Variants in NFE2L2 observed in about 807,000 individuals in gnomAD.
The protein encoded by NFE2L2 is NFE2 like bZIP transcription factor 2.
Under a neutral mutation model 49.6 loss-of-function variants are expected in NFE2L2, and 20 were observed. The observed-to-expected ratio is 0.40, with a 90% CI of 0.28 to 0.59. The LOEUF is 0.59. Ranked by LOEUF, NFE2L2 falls within the 20% of genes least tolerant of loss-of-function variation. NFE2L2 has a pLI of 0.40. For missense variants in NFE2L2, 578 were observed against 714.2 expected, an observed-to-expected ratio of 0.81 and a Z score of 2.17; for synonymous variants, 244 against 256.5, an observed-to-expected ratio of 0.95 and a Z score of 0.47.
chr2:177,247,630 T>C (rs1690178920), intron 1 of NFE2L2, among the ~76,000 whole-genome samples: 1 of 146,108 alleles, frequency 6.8e-6, no homozygotes, highest in Non-Finnish European at 1.5e-5. Flanking sequence ...CAAGCCGAGA[T>C]CGTGCCATTG....
chr2:177,252,833 CA>C (rs1449510049), intron 1 of NFE2L2, among the ~76,000 whole-genome samples: 2 of 152,084 alleles, frequency 1.3e-5, no homozygotes, highest in African/African-American at 2.4e-5. Flanking sequence ...GCCGTCACAA[CA>C]ATGCTCAGAC....
chr2:177,238,166 C>T (rs1023047195), intron 1 of NFE2L2, among the ~76,000 whole-genome samples: 5 of 152,192 alleles, frequency 3.3e-5, no homozygotes, highest in African/African-American at 1.2e-4. Flanking sequence ...CCCTGCCTCA[C>T]CCTAGACTTC....
At chr2:177,244,165 G>A (rs1253673542) in intron 1 of NFE2L2, among the ~76,000 whole-genome samples, 1 of 151,894 alleles carries the variant, frequency 6.6e-6, no homozygotes, top group Non-Finnish European at 1.5e-5. Context: ...GCCAGGCATG[G>A]TGGCGGGTGC....
At chr2:177,263,742 G>C in intron 1 of NFE2L2, 1 of 985,490 alleles carries the variant, frequency 1.0e-6, no homozygotes, top group Non-Finnish European at 1.2e-6. Flanking sequence ...CTTTCCCGCG[G>C]CGTTACGAGG....
intron 1 of NFE2L2, among the ~76,000 whole-genome samples, chr2:177,255,504 G>C (rs2105488270): frequency 6.6e-6 from 1 of 152,314 alleles, no homozygotes; most frequent in Admixed American, 6.5e-5. Context: ...GTTGGCGAGT[G>C]GGGGCACTGC....
chr2:177,263,978 C>T, intron 1 of NFE2L2: 13 of 980,768 alleles, frequency 1.3e-5, no homozygotes, highest in Non-Finnish European at 1.6e-5. Context: ...GGGGTGAGCG[C>T]GTCGCAGCCC....
At chr2:177,252,128 A>C (rs1320346359) in intron 1 of NFE2L2, among the ~76,000 whole-genome samples, 1 of 152,184 alleles carries the variant, frequency 6.6e-6, no homozygotes, top group African/African-American at 2.4e-5. Context: ...AATTCTAGGA[A>C]GATGATGTCA....
At chr2:177,260,902 G>T (rs1184928548) in intron 1 of NFE2L2, among the ~76,000 whole-genome samples, 2 of 152,108 alleles carry the variant, frequency 1.3e-5, no homozygotes, top group African/African-American at 4.8e-5. Context: ...CTGGCGCAGT[G>T]GCTCACACCT....
rs35577826 is a variant in NFE2L2, at chr2:177,232,457, A to C, written c.529T>G (p.Leu177Val). ...TCAATGTCCTGTTGCATACCGTCTA[A>C]ATCAACAGGGGCTACCTGAGCAACA... ...TSVAQVAPVD[L>V]DGMQQDIEQV... The change falls in exon 4 of 5, where the codon TTA (leucine) becomes GTA (valine). Residue 177 changes from leucine to valine, a missense_variant. Leu to Val is a conservative substitution (Grantham distance 32). Around this residue, in one of 3 missense-constraint regions of NFE2L2, gnomAD observed 368 missense variants for 384.6 expected, o/e 0.96. Transcript: ENST00000397062. The C allele has an allele frequency of 3.3e-4, 539 of 1,614,130 alleles. 2 individuals are homozygous for C. In the African/African-American group the frequency reaches 6.7e-3, roughly 20 times the overall value.
chr2:177,263,822 C>G (rs1301466936), intron 1 of NFE2L2: 2 of 985,522 alleles, frequency 2.0e-6, no homozygotes, highest in Non-Finnish European at 2.4e-6. Flanking sequence ...GGCTCAGCCG[C>G]CACACGTCGG....
chr2:177,264,404 C>T, intron 1 of NFE2L2, 128 bp downstream of exon 1: 2 of 973,614 alleles, frequency 2.1e-6, no homozygotes, highest in South Asian at 1.9e-5. Context: ...CTCTACCCAG[C>T]GCCGCGGTCC....
intron 1 of NFE2L2, among the ~76,000 whole-genome samples, chr2:177,237,119 C>T (rs904558295): frequency 6.6e-6 from 1 of 152,192 alleles, no homozygotes; most frequent in African/African-American, 2.4e-5. Flanking sequence ...CTCAGCTTCC[C>T]AAAGTGCTAG....
chr2:177,264,644 C>T lies in NFE2L2; in HGVS notation c.-68G>A, dbSNP rs1574289997. On this transcript the variant is annotated 5_prime_UTR_variant, in exon 1 of 5. Coordinates refer to ENST00000397062, the MANE Select transcript of NFE2L2 (RefSeq NM_006164.5). ...CTGTTCCGGCTGCCGAGGCGCGGCG[C>T]GGACAGGGCGGCTCTGGTGGCGGCG... 11 of 1,363,892 alleles carry T rather than the reference C, an allele frequency of 8.1e-6. No homozygotes were observed. The highest frequency in any genetic ancestry group is 1.1e-5 in the Non-Finnish European group (11 of 1,043,782). The allele number at this position is 1,363,892 out of a possible 1,614,324, so 84.5% of individuals were successfully genotyped here. A position where few individuals can be genotyped will look rare whatever the true frequency, so the allele number is the denominator to read the frequency against.
Position 177,264,635 on chromosome 2 carries a change from G to T in NFE2L2, c.-59C>A. 1 of 1,386,332 alleles carries T rather than the reference G, an allele frequency of 7.2e-7. No homozygotes were observed. Among genetic ancestry groups the T allele is most frequent in the Non-Finnish European group, 9.5e-7 (1 of 1,056,566 alleles). The allele number at this position is 1,386,332 out of a possible 1,614,324, so 85.9% of individuals were successfully genotyped here. A position where few individuals can be genotyped will look rare whatever the true frequency, so the allele number is the denominator to read the frequency against. On this transcript the variant is annotated 5_prime_UTR_variant, in exon 1 of 5. Coordinates refer to ENST00000397062, the MANE Select transcript of NFE2L2 (RefSeq NM_006164.5). ...ACGGCGGCCCTGTTCCGGCTGCCGA[G>T]GCGCGGCGCGGACAGGGCGGCTCTG...
chr2:177,263,583 C>A, intron 1 of NFE2L2: 2 of 985,490 alleles, frequency 2.0e-6, no homozygotes, highest in Non-Finnish European at 2.4e-6. Context: ...AGGAAAGGGC[C>A]AACCGAGGGC....
chr2:177,238,313 C>A (rs914793878), intron 1 of NFE2L2, among the ~76,000 whole-genome samples: 8 of 152,202 alleles, frequency 5.3e-5, no homozygotes, highest in African/African-American at 1.9e-4. Context: ...AGTATCCTTA[C>A]AACCAACCCT....
At chr2:177,248,425 T>C (rs1690211023) in intron 1 of NFE2L2, among the ~76,000 whole-genome samples, 1 of 152,238 alleles carries the variant, frequency 6.6e-6, no homozygotes, top group African/African-American at 2.4e-5. Context: ...TCTTTTTTTT[T>C]TGAGACAGAG....
At position 177,233,690 on chromosome 2, in the gene NFE2L2, CCCTGCTACTTGGTTCT is replaced by C. The variant is rs1689642948; in HGVS notation, c.312+299_312+314del. The C allele has an allele frequency of 4.3e-5, 22 of 513,730 alleles. No individual in the cohort carries two copies. In the South Asian group the frequency reaches 5.6e-4, roughly 13 times the overall value. 31.8% of individuals were successfully genotyped at this position (513,730 alleles called of 1,614,324 possible). A position where few individuals can be genotyped will look rare whatever the true frequency, so the allele number is the denominator to read the frequency against. On this transcript the variant is annotated intron_variant, in intron 2 of 4. Transcript: ENST00000397062. ...TGCCACACACAGTAACGCCAGTAAT[CCCTGCTACTTGGTTCT>C]CCTGCTACTACTTCTGTTGCTGCTA...
intron 1 of NFE2L2, among the ~76,000 whole-genome samples, chr2:177,258,231 G>C (rs986870363): frequency 5.9e-5 from 9 of 152,214 alleles, no homozygotes; most frequent in Admixed American, 3.3e-4. Context: ...CCATACAATG[G>C]AATAGTATGC....
Sources: allele counts gnomAD v4.1 joint callset (sites outside exome capture counted in the v4.1 genomes callset), GRCh38; gene constraint gnomAD v4.1.1; regional missense constraint gnomAD v4.1.1; transcripts MANE v1.5; gene names NCBI Gene and HGNC (gene_info 2026-07-23, HGNC 2026-07-21).